HAUS5: variants seen among roughly 807,000 people sequenced by gnomAD.
HAUS5 encodes the protein HAUS augmin-like complex subunit 5.
Under a neutral mutation model 94.1 loss-of-function variants are expected in HAUS5, and 67 were observed. The ratio of observed to expected loss-of-function variants is 0.71; its 90% confidence interval spans 0.58 to 0.87. The LOEUF is 0.87. Among genes scored for constraint, HAUS5 ranks in the 40% least tolerant of loss-of-function variants. The pLI is 0.00. For missense variants in HAUS5, 739 were observed against 825.6 expected, an observed-to-expected ratio of 0.90 and a Z score of 1.29; for synonymous variants, 339 against 355.4, an observed-to-expected ratio of 0.95 and a Z score of 0.52.
chr19:35,618,468 G>T lies in HAUS5; in HGVS notation c.885+3G>T. The T allele has an allele frequency of 6.2e-7, 1 of 1,613,968 alleles. No homozygotes were observed. Among genetic ancestry groups the T allele is most frequent in the Non-Finnish European group, 8.5e-7 (1 of 1,179,948 alleles). ...CGTCCATGGTTCATCTCATCCAGGT[G>T]ACCCCAGGGCTCGCCTCCCCACCAC... On this transcript the variant is annotated splice_donor_region_variant and intron_variant, in intron 11 of 18. Coordinates refer to ENST00000203166, the MANE Select transcript of HAUS5 (RefSeq NM_015302.2).
At chr19:35,614,457 G>A (rs958408683) in intron 4 of HAUS5, among the ~76,000 whole-genome samples, 2 of 152,172 alleles carry the variant, frequency 1.3e-5, no homozygotes, top group Non-Finnish European at 2.9e-5. Flanking sequence ...GGTGGCACAC[G>A]CCTGTAATCC....
chr19:35,620,355 C>T (rs760994635), intron 17 of HAUS5, 28 bp downstream of exon 17: 1 of 1,598,482 alleles, frequency 6.3e-7, no homozygotes, highest in Non-Finnish European at 8.5e-7. Context: ...CCCCATCCAG[C>T]CTCCCCGCCC....
intron 17 of HAUS5, 150 bp from the exon 18 acceptor site, chr19:35,622,451 C>G: frequency 1.2e-6 from 1 of 812,992 alleles, no homozygotes; most frequent in South Asian, 1.7e-5. Flanking sequence ...AGGGGACTTC[C>G]AGGCTGGGAA....
intron 6 of HAUS5, 99 bp downstream of exon 6, chr19:35,615,485 T>C (rs1304369006): frequency 8.4e-6 from 8 of 949,958 alleles, no homozygotes; most frequent in Non-Finnish European, 1.5e-6. Context: ...TCCAGAATTC[T>C]GGAACCATTA....
At chr19:35,618,246 G>A (rs1417506655) in intron 10 of HAUS5, 51 bp downstream of exon 10, 1 of 1,597,514 alleles carries the variant, frequency 6.3e-7, no homozygotes, top group Non-Finnish European at 8.5e-7. Flanking sequence ...GAGTGGGTGA[G>A]CTGGGACAGC....
rs769990770 is a variant in HAUS5, at chr19:35,622,723, G to C, written c.1774G>C (p.Val592Leu). The C allele has an allele frequency of 1.7e-5, 28 of 1,614,108 alleles. No individual in the cohort carries two copies. Among genetic ancestry groups the C allele is most frequent in the Middle Eastern group, 3.3e-4 (2 of 6,062 alleles). Residue 592 changes from valine to leucine, a missense_variant, in exon 18 of 19, where the codon GTG becomes CTG. By Grantham distance (32) the Val-to-Leu change is conservative. Transcript: ENST00000203166. ...LERIPELQGI[V>L]GDWWEQPGQA... ...GCGAATCCCTGAGCTGCAGGGGATC[G>C]TGGGGGACTGGTGAGAGGGGAACGT...
chr19:35,617,072 C>G, intron 6 of HAUS5, 52 bp from the exon 7 acceptor site: 1 of 1,469,416 alleles, frequency 6.8e-7, no homozygotes, highest in Non-Finnish European at 9.5e-7. Context: ...AGATGGGGCA[C>G]AGACATCTGT....
At position 35,620,272 on chromosome 19, in the gene HAUS5, G is replaced by C. The variant is rs765660968; in HGVS notation, c.1596G>C (p.Trp532Cys). ...TCCTGCAGGACCAGCGGAGCCTCTG[G>C]TGCTGGGATCTACTCCACATGAAGA... ...LLLLQDQRSL[W>C]CWDLLHMKTS... The change falls in exon 17 of 19, where the codon TGG becomes TGC. Residue 532 changes from tryptophan (W) to cysteine (C), a missense_variant. By Grantham distance (215) the Trp-to-Cys change is radical. Coordinates refer to ENST00000203166, the MANE Select transcript of HAUS5 (RefSeq NM_015302.2). The C allele has an allele frequency of 1.2e-6, 2 of 1,613,718 alleles. No homozygotes were observed. Among genetic ancestry groups the C allele is most frequent in the Middle Eastern group, 3.3e-4 (2 of 6,058 alleles).
chr19:35,619,388 G>A (rs1413798843), intron 13 of HAUS5, 36 bp from the exon 14 acceptor site: 1 of 1,501,966 alleles, frequency 6.7e-7, no homozygotes, highest in Non-Finnish European at 9.1e-7. Context: ...GCTGGGAGCT[G>A]GGAGGAGTGG....
At chr19:35,614,118 G>A in intron 4 of HAUS5, 59 bp downstream of exon 4, 1 of 1,489,342 alleles carries the variant, frequency 6.7e-7, no homozygotes, top group East Asian at 2.3e-5. Flanking sequence ...TAGATCTTCT[G>A]CTCTAAGCCC....
Position 35,619,011 on chromosome 19 carries a change from G to T in HAUS5, c.1141G>T (p.Ala381Ser), listed in dbSNP as rs1450168332. 6.2e-7 allele frequency: 1 copy of T among 1,609,804 alleles called. No individual in the cohort carries two copies. Among genetic ancestry groups the T allele is most frequent in the Non-Finnish European group, 8.5e-7 (1 of 1,178,620 alleles). ...HRQLLLRELQ[A>S]KQQRILHWRQ... Reference sequence around the variant, plus strand: ...GCAGCTCCTGCTGAGGGAGCTACAGGCCAAACAGCAGCGGATCCTGCACTG... The same window carrying T: ...GCAGCTCCTGCTGAGGGAGCTACAGTCCAAACAGCAGCGGATCCTGCACTG... The change falls in exon 13 of 19, where the codon GCC becomes TCC. Residue 381 changes from alanine to serine, a missense_variant. Ala to Ser is a moderately conservative substitution (Grantham distance 99). Transcript: ENST00000203166.
intron 4 of HAUS5, 41 bp from the exon 5 acceptor site, chr19:35,615,001 G>A: frequency 6.8e-7 from 1 of 1,467,086 alleles, no homozygotes; most frequent in Non-Finnish European, 9.3e-7. Context: ...GCCAGGCTGA[G>A]CCCCGATCAG....
In HAUS5 at chr19:35,619,445, C is replaced by A. The variant is rs746734433; in HGVS notation, c.1201C>A (p.Arg401Ser). ...QLVEETQEQV[R>S]LLIKGNSASK... ...TCAGGAGGAGACCCAGGAACAGGTCCGCCTGCTCATCAAGGGAAACTCGGC... is the reference window on the plus strand; with the variant it reads ...TCAGGAGGAGACCCAGGAACAGGTCAGCCTGCTCATCAAGGGAAACTCGGC... Residue 401 changes from arginine (R) to serine (S), a missense_variant, in exon 14 of 19, where the codon CGC becomes AGC. Physicochemically the swap from Arg to Ser is moderately radical, Grantham distance 110. Transcript: ENST00000203166. 6.2e-7 allele frequency: 1 copy of A among 1,604,012 alleles called. No homozygotes were observed. Among genetic ancestry groups the A allele is most frequent in the Admixed American group, 1.7e-5 (1 of 59,470 alleles).
rs765437291 is a variant in HAUS5, at chr19:35,618,956, C to G, written c.1086C>G (p.Ser362Arg). 6.2e-7 allele frequency: 1 copy of G among 1,613,650 alleles called. No homozygotes were observed. Among genetic ancestry groups the G allele is most frequent in the South Asian group, 1.1e-5 (1 of 91,050 alleles). Residue 362 changes from serine (S) to arginine (R), a missense_variant, in exon 13 of 19, where the codon AGC becomes AGG. Physicochemically the swap from Ser to Arg is moderately radical, Grantham distance 110. Coordinates refer to ENST00000203166, the MANE Select transcript of HAUS5 (RefSeq NM_015302.2). Reference protein sequence around the residue: ...WTELKALHDQSQELQDAAGHR... With the variant: ...WTELKALHDQRQELQDAAGHR... ...AGCTCAAGGCCCTGCACGATCAGAG[C>G]CAGGAGCTGCAGGATGCAGCTGGGC...
At chr19:35,617,494 G>A in intron 8 of HAUS5, 125 bp downstream of exon 8, 1 of 647,388 alleles carries the variant, frequency 1.5e-6, no homozygotes, top group Non-Finnish European at 2.7e-6. Flanking sequence ...CTTCCAGGCT[G>A]GGAATAGAAG....
Position 35,624,054 on chromosome 19 carries a change from A to G in HAUS5, c.*1061A>G, listed in dbSNP as rs1026757618. On this transcript the variant is annotated 3_prime_UTR_variant, in exon 19 of 19. Transcript: ENST00000203166. ...CCATGTGTCATTCCTACAGTAGCTT[A>G]ATAGAAAGGCTTGTGACACATTGTC... 2 of 151,514 alleles carry G rather than the reference A, an allele frequency of 1.3e-5. No individual in the cohort carries two copies. The highest frequency in any genetic ancestry group is 1.3e-4 in the Admixed American group (2 of 15,224). 9.4% of individuals were successfully genotyped at this position (151,514 alleles called of 1,614,324 possible).
At position 35,618,435 on chromosome 19, in the gene HAUS5, G is replaced by C. The variant is rs911878785; in HGVS notation, c.855G>C (p.Gln285His). The C allele has an allele frequency of 2.0e-6, 3 of 1,473,424 alleles. No homozygotes were observed. Among genetic ancestry groups the C allele is most frequent in the Non-Finnish European group, 2.8e-6 (3 of 1,088,936 alleles). The allele number at this position is 1,473,424 out of a possible 1,614,324, so 91.3% of individuals were successfully genotyped here. A position where few individuals can be genotyped will look rare whatever the true frequency, so the allele number is the denominator to read the frequency against. The change falls in exon 11 of 19, where the codon CAG becomes CAC. Residue 285 changes from glutamine to histidine, a missense_variant. Coordinates refer to ENST00000203166, the MANE Select transcript of HAUS5 (RefSeq NM_015302.2). ...CCCCGGACCAGTCAGACTCCAGCCAGACCCTGCCGTCCATGGTTCATCTCA... is the reference window on the plus strand; with the variant it reads ...CCCCGGACCAGTCAGACTCCAGCCACACCCTGCCGTCCATGGTTCATCTCA... The part of the protein sequence containing the change: ...PQAPDQSDSS[Q>H]TLPSMVHLIQ...
chr19:35,614,183 C>T, intron 4 of HAUS5, 124 bp downstream of exon 4: 1 of 859,882 alleles, frequency 1.2e-6, no homozygotes, highest in Admixed American at 1.9e-5. Context: ...CCTTGATCTC[C>T]ATCCTCATAG....
chr19:35,619,791 A>G (rs1431903745), intron 15 of HAUS5, 33 bp downstream of exon 15: 2 of 1,514,906 alleles, frequency 1.3e-6, no homozygotes, highest in Non-Finnish European at 1.8e-6. Flanking sequence ...CCTGCCCTGC[A>G]TCCCCTGCCA....
Sources: gnomAD v4.1 joint callset for allele counts (sites outside exome capture counted in the v4.1 genomes callset) on GRCh38, gnomAD v4.1.1 for gene constraint, MANE v1.5 for transcripts, NCBI Gene and HGNC (gene_info 2026-07-23, HGNC 2026-07-21) for gene names.